SPATA6: variants seen among roughly 807,000 people sequenced by gnomAD.
The protein encoded by SPATA6 is spermatogenesis associated 6, also known as spermatogenesis-associated protein 6.
A neutral mutation model predicts 65.3 loss-of-function variants in SPATA6; 56 were observed. The ratio of observed to expected loss-of-function variants is 0.86; its 90% CI spans 0.69 to 1.07. The LOEUF is 1.07. Ranked by LOEUF, SPATA6 falls within the 50% of genes least tolerant of loss-of-function variation. SPATA6 has a pLI of 0.00. For synonymous variants in SPATA6, 199 were observed against 213.2 expected, an observed-to-expected ratio of 0.93 and a Z score of 0.58; for missense variants, 590 against 594.8, an observed-to-expected ratio of 0.99 and a Z score of 0.08.
intron 9 of SPATA6, among the ~76,000 whole-genome samples, chr1:48,365,428 T>C (rs1182653130): frequency 6.6e-6 from 1 of 152,190 alleles, no homozygotes; most frequent in Non-Finnish European, 1.5e-5. Context: ...TTCCTACCCA[T>C]GAGCATGGAA....
At chr1:48,276,292 T>C in the SPATA6 span, among the ~76,000 whole-genome samples, 2 of 152,216 alleles carry the variant, frequency 1.3e-5, no homozygotes, top group Non-Finnish European at 2.9e-5. Context: ...ATCCAGTTCC[T>C]GGAGTCATTC....
chr1:48,337,747 A>G (rs1310315287), intron 11 of SPATA6, among the ~76,000 whole-genome samples: 1 of 151,954 alleles, frequency 6.6e-6, no homozygotes. Flanking sequence ...TAGCATAAAA[A>G]TATCAAACAT....
At chr1:48,309,705 T>C (rs980260572) in intron 11 of SPATA6, among the ~76,000 whole-genome samples, 3 of 152,224 alleles carry the variant, frequency 2.0e-5, no homozygotes, top group African/African-American at 7.2e-5. Flanking sequence ...TTGTTTATTC[T>C]AGTTATTAGC....
intron 1 of SPATA6, among the ~76,000 whole-genome samples, chr1:48,467,461 C>T (rs373327340): frequency 1.3e-5 from 2 of 152,038 alleles, no homozygotes; most frequent in Admixed American, 6.5e-5. Flanking sequence ...ATTCTGTAAC[C>T]GAGCCAAGTA....
At chr1:48,377,217 G>A (rs1013819919) in intron 9 of SPATA6, among the ~76,000 whole-genome samples, 5 of 151,894 alleles carry the variant, frequency 3.3e-5, no homozygotes, top group Admixed American at 6.6e-5. Context: ...TATAAATCTC[G>A]CCATGTCACC....
At chr1:48,319,329 C>T (rs1432798067) in intron 11 of SPATA6, among the ~76,000 whole-genome samples, 1 of 152,112 alleles carries the variant, frequency 6.6e-6, no homozygotes, top group Non-Finnish European at 1.5e-5. Flanking sequence ...AGACAAACCA[C>T]AAACATAAGA....
At chr1:48,394,002 A>C (rs903298229) in intron 8 of SPATA6, among the ~76,000 whole-genome samples, 2 of 152,144 alleles carry the variant, frequency 1.3e-5, no homozygotes, top group African/African-American at 4.8e-5. Context: ...AATTCAGTCC[A>C]TAATAATATC....
Position 48,298,753 on chromosome 1 carries a change from T to C in SPATA6, c.1427A>G (p.Lys476Arg), listed in dbSNP as rs1644859297. Residue 476 changes from lysine to arginine, a missense_variant, in exon 13 of 13, where the codon AAG becomes AGG. Coordinates refer to ENST00000371847, the MANE Select transcript of SPATA6 (RefSeq NM_019073.4). ...MDKMYRNLYK[K>R]ACSSASHTQE... ...TGTATGTGAAGCAGAACTACAGGCC[T>C]TTTTGTATAAGTTCCTGTACATCTT... 1 of 1,613,760 alleles carries C rather than the reference T, an allele frequency of 6.2e-7. No individual in the cohort carries two copies. Among genetic ancestry groups the C allele is most frequent in the Admixed American group, 1.7e-5 (1 of 59,978 alleles).
At chr1:48,375,629 T>A (rs1309309875) in intron 9 of SPATA6, among the ~76,000 whole-genome samples, 1 of 152,162 alleles carries the variant, frequency 6.6e-6, no homozygotes, top group Non-Finnish European at 1.5e-5. Context: ...GTCTTCAATT[T>A]GAAATAAGCA....
At chr1:48,274,163 A>G in the SPATA6 span, among the ~76,000 whole-genome samples, 1 of 152,160 alleles carries the variant, frequency 6.6e-6, no homozygotes, top group African/African-American at 2.4e-5. Flanking sequence ...GTGTCTGTTC[A>G]TATCCTTCGC....
chr1:48,434,602 G>A (rs1253688894), intron 3 of SPATA6, among the ~76,000 whole-genome samples: 1 of 152,142 alleles, frequency 6.6e-6, no homozygotes, highest in African/African-American at 2.4e-5. Flanking sequence ...GGAAATAAGT[G>A]AGAGAGCAAG....
At chr1:48,330,050 C>T (rs138093386) in intron 11 of SPATA6, among the ~76,000 whole-genome samples, 62 of 152,300 alleles carry the variant, frequency 4.1e-4, no homozygotes, top group African/African-American at 1.4e-3. Context: ...CAGTCAGCTA[C>T]GGTGCCAGGG....
the SPATA6 span, among the ~76,000 whole-genome samples, chr1:48,290,342 G>A: frequency 6.6e-6 from 1 of 152,174 alleles, no homozygotes; most frequent in Non-Finnish European, 1.5e-5. Flanking sequence ...AAGAGCTCCT[G>A]AAGGAAGCAC....
At chr1:48,461,243 T>G (rs1041980075) in intron 1 of SPATA6, among the ~76,000 whole-genome samples, 1 of 152,174 alleles carries the variant, frequency 6.6e-6, no homozygotes, top group African/African-American at 2.4e-5. Context: ...TATTAGCCCT[T>G]TGTCAGATGA....
At chr1:48,311,949 G>A (rs1320126910) in intron 11 of SPATA6, among the ~76,000 whole-genome samples, 3 of 152,176 alleles carry the variant, frequency 2.0e-5, no homozygotes, top group Non-Finnish European at 2.9e-5. Context: ...AGGGTCCTAC[G>A]CCCACGGAGC....
At chr1:48,286,115 GCTTC>G in the SPATA6 span, among the ~76,000 whole-genome samples, 1 of 151,856 alleles carries the variant, frequency 6.6e-6, no homozygotes, top group Non-Finnish European at 1.5e-5. Context: ...GATGCCTCCA[GCTTC>G]CTTTTTCTTG....
At chr1:48,419,687 G>A (rs1207289121) in intron 3 of SPATA6, among the ~76,000 whole-genome samples, 2 of 152,116 alleles carry the variant, frequency 1.3e-5, no homozygotes, top group Admixed American at 6.5e-5. Flanking sequence ...ATAAACTTAG[G>A]CACATCACTA....
At chr1:48,386,042 G>T (rs542893081) in intron 8 of SPATA6, among the ~76,000 whole-genome samples, 1 of 152,050 alleles carries the variant, frequency 6.6e-6, no homozygotes, top group South Asian at 2.1e-4. Flanking sequence ...AAACAAGCAG[G>T]GGTTCAATTT....
intron 11 of SPATA6, among the ~76,000 whole-genome samples, chr1:48,323,261 C>T (rs1476260415): frequency 6.6e-6 from 1 of 152,122 alleles, no homozygotes; most frequent in Non-Finnish European, 1.5e-5. Flanking sequence ...AGTTCATGTC[C>T]TTTGCAGGGA....
Sources: gnomAD v4.1 joint callset for allele counts (sites outside exome capture counted in the v4.1 genomes callset) on GRCh38, gnomAD v4.1.1 for gene constraint, MANE v1.5 for transcripts, NCBI Gene and HGNC (gene_info 2026-07-23, HGNC 2026-07-21) for gene names.